GRIK1: variants seen among roughly 807,000 people sequenced by gnomAD.
GRIK1 encodes glutamate ionotropic receptor kainate type subunit 1.
A neutral mutation model predicts 105.7 loss-of-function variants in GRIK1; 69 were observed. That is an observed-to-expected ratio of 0.65 (90% CI 0.54 to 0.80). The LOEUF is 0.80. Ranked by LOEUF, GRIK1 falls within the 30% of genes least tolerant of loss-of-function variation. GRIK1 has a pLI of 0.00. For missense variants in GRIK1, 1,109 were observed against 1,167.3 expected, an observed-to-expected ratio of 0.95 and a Z score of 0.73; for synonymous variants, 438 against 431.3, an observed-to-expected ratio of 1.02 and a Z score of -0.19.
At chr21:29,547,219 C>G (rs181555112) in intron 16 of GRIK1, among the ~76,000 whole-genome samples, 8 of 152,268 alleles carry the variant, frequency 5.3e-5, no homozygotes, top group Admixed American at 5.2e-4. Flanking sequence ...AGATGGGAAC[C>G]TTCTTGCTTC....
At chr21:29,758,101 T>C (rs945843785) in intron 1 of GRIK1, among the ~76,000 whole-genome samples, 4 of 152,184 alleles carry the variant, frequency 2.6e-5, no homozygotes, top group Admixed American at 2.0e-4. Flanking sequence ...GGAGCCACAT[T>C]CCATTGGCCA....
intron 1 of GRIK1, among the ~76,000 whole-genome samples, chr21:29,875,922 C>G (rs2069175198): frequency 6.6e-6 from 1 of 152,138 alleles, no homozygotes; most frequent in Non-Finnish European, 1.5e-5. Context: ...GAATATCTGT[C>G]TGATCTCTCA....
intron 12 of GRIK1, among the ~76,000 whole-genome samples, chr21:29,583,257 A>G (rs752856619): frequency 9.2e-5 from 14 of 152,172 alleles, no homozygotes; most frequent in Non-Finnish European, 2.1e-4. Flanking sequence ...TAAGTTTTGA[A>G]TTTGCACACT....
chr21:29,588,727 T>TA, intron 11 of GRIK1, 112 bp downstream of exon 11: 1 of 693,042 alleles, frequency 1.4e-6, no homozygotes, highest in Non-Finnish European at 2.5e-6. Context: ...CTTTGCTTCT[T>TA]AAAAAAATTG....
chr21:29,801,599 T>G (rs536136569), intron 1 of GRIK1, among the ~76,000 whole-genome samples: 1 of 152,244 alleles, frequency 6.6e-6, no homozygotes, highest in South Asian at 2.1e-4. Flanking sequence ...ATTCAGCATG[T>G]TTTACAAGAA....
chr21:29,559,872 C>T (rs2090348361), intron 15 of GRIK1, among the ~76,000 whole-genome samples: 1 of 152,078 alleles, frequency 6.6e-6, no homozygotes, highest in Admixed American at 6.6e-5. Context: ...TCCTACATGT[C>T]TACAACTCTC....
chr21:29,719,899 T>A (rs536656770), intron 1 of GRIK1, among the ~76,000 whole-genome samples: 2 of 152,330 alleles, frequency 1.3e-5, no homozygotes, highest in Admixed American at 1.3e-4. Context: ...TTCACTTACA[T>A]AATACATTTC....
intron 1 of GRIK1, among the ~76,000 whole-genome samples, chr21:29,896,448 G>T (rs1255856463): frequency 6.6e-6 from 1 of 152,118 alleles, no homozygotes; most frequent in African/African-American, 2.4e-5. Context: ...GTTCTTTGAA[G>T]ATGGGGAATT....
chr21:29,775,053 T>A (rs2065907979), intron 1 of GRIK1, among the ~76,000 whole-genome samples: 1 of 152,048 alleles, frequency 6.6e-6, no homozygotes, highest in Non-Finnish European at 1.5e-5. Context: ...GCATGGTAGC[T>A]CACGCCTGTA....
intron 4 of GRIK1, among the ~76,000 whole-genome samples, chr21:29,655,210 A>G (rs775109337): frequency 5.3e-5 from 8 of 152,334 alleles, no homozygotes; most frequent in South Asian, 4.1e-4. Context: ...GGAGTTCGAG[A>G]CCAGCCTGAC....
At chr21:29,850,619 T>G (rs1191206032) in intron 1 of GRIK1, among the ~76,000 whole-genome samples, 2 of 152,198 alleles carry the variant, frequency 1.3e-5, no homozygotes, top group Admixed American at 6.5e-5. Flanking sequence ...AGTCCTTGTT[T>G]AGTGCTCATA....
Position 29,537,318 on chromosome 21 carries a change from T to G in GRIK1, c.2762A>C (p.Lys921Thr), listed in dbSNP as rs775219008. ...AGATTTCCCCTTAGTTCTTGACTTT[T>G]TCTTTATTTTTTTCTGATTCTTCAG... is the stretch of plus-strand genomic sequence containing the variant. ...ISLKNQKKIK[K>T]KSRTKGKSSF... The change falls in exon 18 of 18, where the codon AAA becomes ACA. Residue 921 changes from lysine (K) to threonine (T), a missense_variant. By Grantham distance (78) the Lys-to-Thr change is moderately conservative (BLOSUM62 -1). Coordinates refer to ENST00000327783, the MANE Select transcript of GRIK1 (RefSeq NM_001330994.2). The G allele has an allele frequency of 1.9e-6, 3 of 1,611,702 alleles. No homozygotes were observed. The South Asian group carries it at 3.3e-5, about 18-fold the overall frequency.
intron 7 of GRIK1, among the ~76,000 whole-genome samples, chr21:29,602,111 C>G (rs114617202): frequency 2.0e-5 from 3 of 152,090 alleles, no homozygotes; most frequent in Non-Finnish European, 4.4e-5. Flanking sequence ...GTCATTTTGT[C>G]CCTTTTTTAG....
intron 1 of GRIK1, among the ~76,000 whole-genome samples, chr21:29,734,057 A>C (rs529643600): frequency 6.6e-6 from 1 of 152,322 alleles, no homozygotes; most frequent in East Asian, 1.9e-4. Flanking sequence ...ATAGGCTTGC[A>C]ACATTCCTGA....
intron 14 of GRIK1, among the ~76,000 whole-genome samples, chr21:29,575,976 T>A (rs1803846787): frequency 6.6e-6 from 1 of 152,134 alleles, no homozygotes; most frequent in African/African-American, 2.4e-5. Flanking sequence ...TTTTTAGAGA[T>A]TATTTTGTTT....
chr21:29,633,514 A>AAAATAAAT (rs57847572), intron 7 of GRIK1, among the ~76,000 whole-genome samples: 5 of 151,776 alleles, frequency 3.3e-5, no homozygotes, highest in African/African-American at 1.2e-4. Context: ...AAATAAAATA[A>AAAATAAAT]AAATAAATAA....
intron 1 of GRIK1, among the ~76,000 whole-genome samples, chr21:29,854,813 T>C (rs1485758002): frequency 6.6e-6 from 1 of 152,072 alleles, no homozygotes; most frequent in Non-Finnish European, 1.5e-5. Context: ...TCACTCTTCC[T>C]TGATCAAAGT....
At position 29,799,145 on chromosome 21, in the gene GRIK1, A is replaced by T. The variant is rs376767596; in HGVS notation, c.119-105082T>A. On this transcript the variant is annotated intron_variant, in intron 1 of 17. Coordinates refer to ENST00000327783, the MANE Select transcript of GRIK1 (RefSeq NM_001330994.2). ...CCTTTTCCTCATATCAGTTACATGGAAACAATCACATCTTCCGTCTTGGAC... is the reference window on the plus strand; with the variant it reads ...CCTTTTCCTCATATCAGTTACATGGTAACAATCACATCTTCCGTCTTGGAC... Among the ~76,000 whole-genome samples, 13 of 152,324 alleles carry T rather than the reference A, an allele frequency of 8.5e-5. No homozygotes were observed. The East Asian group carries it at 9.6e-4, about 11-fold the overall frequency.
intron 1 of GRIK1, chr21:29,761,536 A>C (rs1382585686): frequency 3.9e-5 from 6 of 152,240 alleles, no homozygotes; most frequent in Admixed American, 6.5e-5. Flanking sequence ...AATGAAAAAA[A>C]AGCAAATCAT....
Sources: allele counts gnomAD v4.1 joint callset (sites outside exome capture counted in the v4.1 genomes callset), GRCh38; gene constraint gnomAD v4.1.1; transcripts MANE v1.5; gene names NCBI Gene and HGNC (gene_info 2026-07-23, HGNC 2026-07-21).